CXXC5: variants seen among roughly 807,000 people sequenced by gnomAD.
CXXC5 encodes CXXC finger protein 5, also known as CXXC-type zinc finger protein 5.
A neutral mutation model predicts 17.6 loss-of-function variants in CXXC5; 2 were observed. The ratio of observed to expected loss-of-function variants is 0.11; its 90% CI spans 0.05 to 0.36. CXXC5 has a LOEUF of 0.36. Ranked by LOEUF, CXXC5 falls within the 10% of genes least tolerant of loss-of-function variation. The probability of loss-of-function intolerance (pLI) is 1.00; values close to 1 mark genes in which losing one functional copy is unlikely to be tolerated. For synonymous variants in CXXC5, 171 were observed against 193.0 expected (o/e 0.89, Z 0.94); for missense variants, 343 against 458.3 (o/e 0.75, Z 2.30).
chr5:139,654,297 T>C (rs1755373397), intron 1 of CXXC5, among the ~76,000 whole-genome samples: 2 of 152,206 alleles, frequency 1.3e-5, no homozygotes, highest in Admixed American at 6.5e-5. Context: ...GAGCAGTGGC[T>C]CTAGAGTCCA....
In CXXC5 at chr5:139,680,595, C is replaced by T. The variant is rs748962937; in HGVS notation, c.72C>T (p.Gly24=). The T allele has an allele frequency of 1.2e-6, 2 of 1,606,654 alleles. No homozygotes were observed. The highest frequency in any genetic ancestry group is 4.5e-5 in the East Asian group (2 of 44,364). ...GCAGCAGCACCAATGGCAGCGGTGG[C>T]AGTGGCAGCAGTGGCCCAAAGGCAG... ...SSSSSTNGSG[G]SGSSGPKAGA... The change falls in exon 2 of 3, where the codon GGC becomes GGT. Residue 24 remains glycine, a synonymous_variant. Transcript: ENST00000302517.
chr5:139,653,994 T>C (rs572230783), intron 1 of CXXC5, among the ~76,000 whole-genome samples: 1 of 152,208 alleles, frequency 6.6e-6, no homozygotes, highest in South Asian at 2.1e-4. Flanking sequence ...CTGGCCCTTT[T>C]TGGGTCAGCC....
In CXXC5 at chr5:139,663,330, T is replaced by C. The variant is rs1755922982; in HGVS notation, c.-161+14485T>C. Among the ~76,000 whole-genome samples, 1 of 152,132 alleles carries C rather than the reference T, an allele frequency of 6.6e-6. No homozygotes were observed. Among genetic ancestry groups the C allele is most frequent in the South Asian group, 2.1e-4 (1 of 4,830 alleles). ...GGACTTCCAGGTGGCAAATGGAGCC[T>C]TTGCAGGGTGGCGAGAGGCTTGGGA... On this transcript the variant is annotated intron_variant, in intron 1 of 2. Coordinates refer to ENST00000302517, the MANE Select transcript of CXXC5 (RefSeq NM_016463.9). This position sits in a 1 kb window ranked among gnomAD's most constrained non-coding sequence, Gnocchi z 4.2.
intron 1 of CXXC5, among the ~76,000 whole-genome samples, chr5:139,660,418 G>C (rs1409350627): frequency 6.6e-6 from 1 of 152,308 alleles, no homozygotes; most frequent in East Asian, 1.9e-4. Flanking sequence ...GTATTGCCCG[G>C]CCTGGGCAAG....
At chr5:139,673,591 C>A (rs1394017541) in intron 1 of CXXC5, among the ~76,000 whole-genome samples, 1 of 152,188 alleles carries the variant, frequency 6.6e-6, no homozygotes, top group Non-Finnish European at 1.5e-5. Flanking sequence ...CCTGTAACCC[C>A]AGCACTTTGG....
chr5:139,651,783 C>G (rs1055347309), intron 1 of CXXC5, among the ~76,000 whole-genome samples: 5 of 152,104 alleles, frequency 3.3e-5, no homozygotes, highest in African/African-American at 1.2e-4. Context: ...GCCTGGGTTC[C>G]TAGAGCCCCT....
At chr5:139,660,863 C>CA (rs1481779230) in intron 1 of CXXC5, among the ~76,000 whole-genome samples, 110 of 136,296 alleles carry the variant, frequency 8.1e-4, no homozygotes, top group African/African-American at 2.7e-3. Flanking sequence ...ATCCTCCCCC[C>CA]ACCCACCCAC....
chr5:139,649,593 C>G (rs1755054873), intron 1 of CXXC5: 2 of 151,792 alleles, frequency 1.3e-5, no homozygotes, highest in African/African-American at 4.8e-5. Context: ...CCTTTTTTTT[C>G]CATCAAAGTA....
At position 139,661,005 on chromosome 5, in the gene CXXC5, G is replaced by A. The variant is rs1755774935; in HGVS notation, c.-161+12160G>A. 1.3e-5 allele frequency among the ~76,000 whole-genome samples: 2 copies of A among 152,138 alleles called. No individual in the cohort carries two copies. Among genetic ancestry groups the A allele is most frequent in the African/African-American group, 4.8e-5 (2 of 41,426 alleles). ...CAGGTTTCGATGAAACAGGAACCCC[G>A]GAGCTGCAGCCTGGGCCGAGGGGGC... is the stretch of plus-strand genomic sequence containing the variant. On this transcript the variant is annotated intron_variant, in intron 1 of 2. Transcript: ENST00000302517. This position sits in a 1 kb window ranked among gnomAD's most constrained non-coding sequence, Gnocchi z 4.7.
intron 1 of CXXC5, among the ~76,000 whole-genome samples, chr5:139,673,714 C>T (rs572964606): frequency 6.6e-6 from 1 of 152,028 alleles, no homozygotes; most frequent in Admixed American, 6.5e-5. Context: ...TGGTGGTGTG[C>T]GCCTGTAATC....
intron 1 of CXXC5, among the ~76,000 whole-genome samples, chr5:139,672,187 G>A (rs1443381406): frequency 6.6e-6 from 1 of 152,094 alleles, no homozygotes; most frequent in African/African-American, 2.4e-5. Flanking sequence ...GCGTGATCTT[G>A]GCTCACTGCA....
chr5:139,672,005 G>A (rs1034087989), intron 1 of CXXC5, among the ~76,000 whole-genome samples: 2 of 152,216 alleles, frequency 1.3e-5, no homozygotes, highest in African/African-American at 4.8e-5. Context: ...AATAATAATT[G>A]TAGTAGAATC....
Position 139,668,572 on chromosome 5 carries a change from C to T in CXXC5, c.-160-11792C>T, listed in dbSNP as rs1160568152. On this transcript the variant is annotated intron_variant, in intron 1 of 2. Coordinates refer to ENST00000302517, the MANE Select transcript of CXXC5 (RefSeq NM_016463.9). The surrounding 1 kb of genome is among the most constrained non-coding windows in gnomAD (Gnocchi z 4.1). Reference sequence around the variant, plus strand: ...GTGCCCCAGAGCTGGCCGCGTTTCTCGGGGCGGGAGCCAGCTCTGCTCGCC... The same window carrying T: ...GTGCCCCAGAGCTGGCCGCGTTTCTTGGGGCGGGAGCCAGCTCTGCTCGCC... Among the ~76,000 whole-genome samples, 1 of 152,188 alleles carries T rather than the reference C, an allele frequency of 6.6e-6. No homozygotes were observed. Among genetic ancestry groups the T allele is most frequent in the Non-Finnish European group, 1.5e-5 (1 of 68,018 alleles).
At chr5:139,654,695 G>C (rs1455597238) in intron 1 of CXXC5, among the ~76,000 whole-genome samples, 1 of 152,218 alleles carries the variant, frequency 6.6e-6, no homozygotes, top group African/African-American at 2.4e-5. Context: ...CTGATAATAG[G>C]ACAGACCCCA....
At chr5:139,682,829 C>A in intron 2 of CXXC5, 34 bp from the exon 3 acceptor site, 1 of 1,575,596 alleles carries the variant, frequency 6.3e-7, no homozygotes, top group Non-Finnish European at 8.6e-7. Context: ...CCTGACTGAA[C>A]TCTCTCCTTG....
intron 1 of CXXC5, among the ~76,000 whole-genome samples, chr5:139,649,993 C>T (rs1220340295): frequency 6.6e-6 from 1 of 152,218 alleles, no homozygotes; most frequent in East Asian, 1.9e-4. Context: ...CGACGGAAAG[C>T]GAGTGACCCC....
chr5:139,674,392 G>A (rs78836091), intron 1 of CXXC5, among the ~76,000 whole-genome samples: 27 of 152,184 alleles, frequency 1.8e-4, no homozygotes, highest in Admixed American at 1.2e-3. Context: ...CACCAAGGTG[G>A]GGGGGAGGAG....
intron 1 of CXXC5, among the ~76,000 whole-genome samples, chr5:139,671,049 G>A (rs1756438998): frequency 6.6e-6 from 1 of 152,254 alleles, no homozygotes; most frequent in Admixed American, 6.5e-5. Flanking sequence ...ATACTGGGAA[G>A]TGAGCTTGAG....
chr5:139,652,160 G>A (rs1007468026), intron 1 of CXXC5, among the ~76,000 whole-genome samples: 40 of 128,808 alleles, frequency 3.1e-4, no homozygotes, highest in Non-Finnish European at 6.2e-4. Flanking sequence ...GCGCGCGCGC[G>A]CGCGCGCGCG....
Sources: allele counts gnomAD v4.1 joint callset (sites outside exome capture counted in the v4.1 genomes callset), GRCh38; gene constraint gnomAD v4.1.1; non-coding constraint Gnocchi (gnomAD v3.1); transcripts MANE v1.5; gene names NCBI Gene and HGNC (gene_info 2026-07-23, HGNC 2026-07-21).